The following LIN7A variants were observed in gnomAD, a reference collection of about 807,000 sequenced individuals.
LIN7A encodes the protein protein lin-7 homolog A.
Under a neutral mutation model 29.8 loss-of-function variants are expected in LIN7A, and 25 were observed. The ratio of observed to expected loss-of-function variants is 0.84; its 90% CI spans 0.61 to 1.17. The LOEUF (loss-of-function observed/expected upper bound fraction) is 1.17, where lower values mean the gene tolerates loss of function less well. LIN7A is among the 50% of genes most tolerant of loss of function. LIN7A has a pLI of 0.00. For missense variants in LIN7A, 239 were observed against 287.0 expected (o/e 0.83, Z 1.21); for synonymous variants, 118 against 107.5 (o/e 1.10, Z -0.60).
chr12:80,856,182 A>G (rs1365746173), intron 2 of LIN7A, among the ~76,000 whole-genome samples: 1 of 152,206 alleles, frequency 6.6e-6, no homozygotes, highest in Non-Finnish European at 1.5e-5. Flanking sequence ...TCAAGGCTCA[A>G]ATCGACCCAG....
chr12:80,878,548 A>G (rs968796010), intron 2 of LIN7A, among the ~76,000 whole-genome samples: 1 of 152,192 alleles, frequency 6.6e-6, no homozygotes, highest in African/African-American at 2.4e-5. Flanking sequence ...CCAAAGAGTG[A>G]GCAGCAGCAA....
intron 2 of LIN7A, among the ~76,000 whole-genome samples, chr12:80,871,814 T>G (rs563740459): frequency 9.9e-5 from 15 of 151,810 alleles, no homozygotes; most frequent in Non-Finnish European, 1.9e-4. Context: ...GTAAACCTTT[T>G]TATCACTAGG....
intron 3 of LIN7A, chr12:80,848,011 T>C (rs937106857): frequency 4.9e-6 from 3 of 606,694 alleles, no homozygotes; most frequent in Non-Finnish European, 6.1e-6. Context: ...TTGTGCCAAA[T>C]GGACATTAAG....
chr12:80,916,339 TG>T (rs1338429585), intron 1 of LIN7A, among the ~76,000 whole-genome samples: 1 of 152,142 alleles, frequency 6.6e-6, no homozygotes, highest in Non-Finnish European at 1.5e-5. Context: ...ATGCACCCCC[TG>T]ATTTCTCTCT....
At chr12:80,801,661 T>C (rs1870727679) in intron 5 of LIN7A, among the ~76,000 whole-genome samples, 1 of 152,220 alleles carries the variant, frequency 6.6e-6, no homozygotes, top group Non-Finnish European at 1.5e-5. Flanking sequence ...ACACATTTTA[T>C]CACCACACAT....
chr12:80,895,529 A>G (rs993749656), intron 1 of LIN7A, among the ~76,000 whole-genome samples: 7 of 152,234 alleles, frequency 4.6e-5, no homozygotes, highest in Non-Finnish European at 7.3e-5. Flanking sequence ...AGCTAACAAT[A>G]TGAATTATCT....
At chr12:80,904,533 G>A (rs1048447254) in intron 1 of LIN7A, among the ~76,000 whole-genome samples, 3 of 152,150 alleles carry the variant, frequency 2.0e-5, no homozygotes, top group African/African-American at 7.2e-5. Flanking sequence ...AGATCATGCA[G>A]TATTTGTTTT....
intron 2 of LIN7A, among the ~76,000 whole-genome samples, chr12:80,849,460 G>T (rs1873225657): frequency 6.6e-6 from 1 of 151,948 alleles, no homozygotes; most frequent in African/African-American, 2.4e-5. Context: ...TTCCACCCTA[G>T]CTCATTATCT....
chr12:80,809,052 C>A (rs1485263219), intron 5 of LIN7A, among the ~76,000 whole-genome samples: 1 of 151,060 alleles, frequency 6.6e-6, no homozygotes, highest in Admixed American at 6.6e-5. Context: ...ATGGCTCGAT[C>A]TCGGCTTACT....
intron 1 of LIN7A, among the ~76,000 whole-genome samples, chr12:80,904,265 A>G (rs1226197058): frequency 7.9e-5 from 12 of 152,322 alleles, no homozygotes; most frequent in Admixed American, 7.8e-4. Context: ...AACTGTGCCA[A>G]TCCACATATG....
intron 5 of LIN7A, among the ~76,000 whole-genome samples, chr12:80,809,066 A>G (rs988811982): frequency 6.6e-6 from 1 of 151,274 alleles, no homozygotes; most frequent in Admixed American, 6.6e-5. Flanking sequence ...GCTTACTGCA[A>G]TCTCCATCTC....
At chr12:80,865,776 T>C (rs969791158) in intron 2 of LIN7A, among the ~76,000 whole-genome samples, 1 of 152,228 alleles carries the variant, frequency 6.6e-6, no homozygotes, top group African/African-American at 2.4e-5. Context: ...GTTCCCTTCC[T>C]CAAAATAAGT....
chr12:80,815,200 T>C (rs1871476210), intron 4 of LIN7A, among the ~76,000 whole-genome samples: 1 of 152,200 alleles, frequency 6.6e-6, no homozygotes, highest in South Asian at 2.1e-4. Context: ...CTATTATTTA[T>C]CTCTGGAGTG....
At chr12:80,803,412 C>A (rs774567897) in intron 5 of LIN7A, among the ~76,000 whole-genome samples, 2 of 152,126 alleles carry the variant, frequency 1.3e-5, no homozygotes, top group East Asian at 1.9e-4. Flanking sequence ...GTTTTTGATA[C>A]CTTTGTCAAA....
intron 1 of LIN7A, among the ~76,000 whole-genome samples, chr12:80,932,115 T>G (rs1442917400): frequency 6.6e-6 from 1 of 152,196 alleles, no homozygotes; most frequent in Non-Finnish European, 1.5e-5. Flanking sequence ...ACCTATAGGC[T>G]TCCCAGGGCT....
intron 4 of LIN7A, among the ~76,000 whole-genome samples, chr12:80,837,834 A>C (rs975730978): frequency 2.0e-5 from 3 of 149,896 alleles, no homozygotes; most frequent in Non-Finnish European, 3.0e-5. Flanking sequence ...TATCATCATC[A>C]TCATCCTCAT....
At chr12:80,920,879 G>A (rs1471388599) in intron 1 of LIN7A, among the ~76,000 whole-genome samples, 1 of 152,048 alleles carries the variant, frequency 6.6e-6, no homozygotes, top group African/African-American at 2.4e-5. Context: ...TTGTAATATT[G>A]GCCAGATAAT....
chr12:80,830,818 G>A (rs1872312341), intron 4 of LIN7A, among the ~76,000 whole-genome samples: 1 of 152,072 alleles, frequency 6.6e-6, no homozygotes. Flanking sequence ...GATGGTCACA[G>A]GAGAATGATC....
intron 1 of LIN7A, among the ~76,000 whole-genome samples, chr12:80,899,336 C>T (rs991821526): frequency 2.0e-5 from 3 of 152,136 alleles, no homozygotes; most frequent in South Asian, 2.1e-4. Flanking sequence ...AAAGCTTTTT[C>T]GATCGTGATG....
Sources: gnomAD v4.1 joint callset for allele counts (sites outside exome capture counted in the v4.1 genomes callset) on GRCh38, gnomAD v4.1.1 for gene constraint, MANE v1.5 for transcripts, NCBI Gene and HGNC (gene_info 2026-07-23, HGNC 2026-07-21) for gene names.